Variants in LTBP1 observed in about 807,000 individuals in gnomAD.
LTBP1 encodes latent-transforming growth factor beta-binding protein 1.
Under a neutral mutation model 207.6 loss-of-function variants are expected in LTBP1, and 129 were observed. The observed-to-expected ratio is 0.62, with a 90% confidence interval of 0.54 to 0.72. The LOEUF is 0.72. Ranked by LOEUF, LTBP1 falls within the 30% of genes least tolerant of loss-of-function variation. The pLI is 0.00. For synonymous variants in LTBP1, 963 were observed against 833.7 expected, an observed-to-expected ratio of 1.16 and a Z score of -2.67; for missense variants, 2,281 against 2,217.2, an observed-to-expected ratio of 1.03 and a Z score of -0.58.
chr2:33,188,553 A>C (rs751185070), intron 6 of LTBP1, 24 bp from the exon 7 acceptor site: 2 of 1,591,578 alleles, frequency 1.3e-6, no homozygotes, highest in Non-Finnish European at 1.7e-6. Flanking sequence ...AGGACTAACA[A>C]GTTTTCCTCC....
intron 2 of LTBP1, among the ~76,000 whole-genome samples, chr2:32,985,784 G>A (rs2148789480): frequency 6.6e-6 from 1 of 152,308 alleles, no homozygotes; most frequent in East Asian, 1.9e-4. Context: ...ATGGGGCCCT[G>A]TGTAACCCTC....
chr2:33,046,497 G>A (rs560206495), intron 3 of LTBP1, among the ~76,000 whole-genome samples: 78 of 152,276 alleles, frequency 5.1e-4, no homozygotes, highest in Middle Eastern at 3.4e-3. Flanking sequence ...TTTTTGATGT[G>A]CTGCTGGATT....
chr2:33,236,269 G>A (rs149006287), intron 9 of LTBP1, among the ~76,000 whole-genome samples: 26 of 152,276 alleles, frequency 1.7e-4, no homozygotes, highest in African/African-American at 5.8e-4. Flanking sequence ...AAACTGTCAT[G>A]TACTTAGTTT....
In LTBP1 at chr2:33,396,214, T is replaced by G. The variant is rs180730385; in HGVS notation, c.4835-919T>G. On this transcript the variant is annotated intron_variant, in intron 32 of 33. Coordinates refer to ENST00000404816, the MANE Select transcript of LTBP1 (RefSeq NM_206943.4). ...TGTGTGTGTGTTTTGTTTTGTTTTG[T>G]TTTTTGGTTTTTTGTCTTTTGTTTT... Among the ~76,000 whole-genome samples the G allele has an allele frequency of 4.1e-3, 625 of 151,940 alleles. 2 individuals are homozygous for G. The highest frequency in any genetic ancestry group is 6.8e-3 in the Non-Finnish European group (465 of 67,946).
chr2:33,191,798 A>G (rs563404699), intron 7 of LTBP1, among the ~76,000 whole-genome samples: 2 of 152,226 alleles, frequency 1.3e-5, no homozygotes, highest in African/African-American at 4.8e-5. Flanking sequence ...GCAAGTGTCA[A>G]ACATTGAGAC....
chr2:33,334,539 C>G (rs963477777), intron 24 of LTBP1, among the ~76,000 whole-genome samples: 4 of 152,176 alleles, frequency 2.6e-5, no homozygotes, highest in Admixed American at 6.5e-5. Flanking sequence ...GAGATACAAC[C>G]AAAAGATAAA....
chr2:33,095,655 C>T (rs1485717447), intron 3 of LTBP1, among the ~76,000 whole-genome samples: 1 of 151,958 alleles, frequency 6.6e-6, no homozygotes, highest in African/African-American at 2.4e-5. Flanking sequence ...GGAATTAGTG[C>T]ACAAGACTTA....
intron 2 of LTBP1, among the ~76,000 whole-genome samples, chr2:32,970,791 A>G (rs184885256): frequency 9.9e-5 from 15 of 151,700 alleles, no homozygotes; most frequent in Middle Eastern, 3.4e-3. Context: ...TTCTAATTCT[A>G]TGAAGAATGT....
At chr2:33,165,008 T>C (rs2084799695) in intron 5 of LTBP1, among the ~76,000 whole-genome samples, 1 of 152,208 alleles carries the variant, frequency 6.6e-6, no homozygotes, top group Admixed American at 6.5e-5. Context: ...TGAAGAGGAA[T>C]TCTTTCAGAA....
At chr2:33,053,777 C>A (rs2076858495) in intron 3 of LTBP1, among the ~76,000 whole-genome samples, 1 of 152,204 alleles carries the variant, frequency 6.6e-6, no homozygotes, top group Non-Finnish European at 1.5e-5. Flanking sequence ...AAAGCAGGGC[C>A]TTCGACCTAG....
intron 3 of LTBP1, among the ~76,000 whole-genome samples, chr2:33,081,260 G>A (rs1208813534): frequency 3.3e-5 from 5 of 152,056 alleles, no homozygotes; most frequent in African/African-American, 9.7e-5. Context: ...GAAGGGCCAG[G>A]GAAGGTGAGA....
chr2:33,176,070 G>C (rs971693973), intron 5 of LTBP1, among the ~76,000 whole-genome samples: 1 of 151,264 alleles, frequency 6.6e-6, no homozygotes, highest in Non-Finnish European at 1.5e-5. Flanking sequence ...ACGAGTTAAT[G>C]GGTGCAGCAC....
At chr2:33,283,788 C>T (rs1003024177) in intron 19 of LTBP1, among the ~76,000 whole-genome samples, 3 of 152,128 alleles carry the variant, frequency 2.0e-5, no homozygotes, top group Non-Finnish European at 4.4e-5. Flanking sequence ...CTACATTTGT[C>T]ATTTGTTAGT....
In LTBP1 at chr2:33,055,277, T is replaced by G. The variant is rs370686095; in HGVS notation, c.863+34071T>G. 4.3e-4 allele frequency among the ~76,000 whole-genome samples: 65 copies of G among 152,276 alleles called. No homozygotes were observed. In the South Asian group the frequency reaches 0.013, roughly 31 times the overall value. ...CTTTTAGAATCAATTGACCCTCGAG[T>G]GATTCGGGTGACAGGGGAGTATGTT... On this transcript the variant is annotated intron_variant, in intron 3 of 33. Coordinates refer to ENST00000404816, the MANE Select transcript of LTBP1 (RefSeq NM_206943.4).
At chr2:33,111,430 G>C (rs570701532) in intron 4 of LTBP1, among the ~76,000 whole-genome samples, 5 of 152,190 alleles carry the variant, frequency 3.3e-5, no homozygotes, top group Non-Finnish European at 7.3e-5. Context: ...CTAGACACAC[G>C]CTCTCGTTCC....
intron 7 of LTBP1, among the ~76,000 whole-genome samples, chr2:33,189,747 C>T (rs962615767): frequency 2.0e-5 from 3 of 152,144 alleles, no homozygotes; most frequent in Middle Eastern, 3.4e-3. Context: ...AAATTCAGGC[C>T]GGGTGCTGTG....
intron 22 of LTBP1, among the ~76,000 whole-genome samples, chr2:33,302,347 A>G (rs1210303781): frequency 1.3e-5 from 2 of 152,184 alleles, no homozygotes; most frequent in Non-Finnish European, 2.9e-5. Context: ...AACCAGAAAT[A>G]TGCATGTTGG....
At chr2:32,951,693 G>A (rs1484735595) in intron 2 of LTBP1, among the ~76,000 whole-genome samples, 1 of 152,204 alleles carries the variant, frequency 6.6e-6, no homozygotes, top group African/African-American at 2.4e-5. Flanking sequence ...TTTATAGGAT[G>A]GTTGCAGGTA....
intron 3 of LTBP1, among the ~76,000 whole-genome samples, chr2:33,070,289 C>A (rs1008804756): frequency 6.6e-6 from 1 of 152,192 alleles, no homozygotes; most frequent in Non-Finnish European, 1.5e-5. Context: ...TGTTGCTTTG[C>A]CAAGGATAGT....
Sources: gnomAD v4.1 joint callset for allele counts (sites outside exome capture counted in the v4.1 genomes callset) on GRCh38, gnomAD v4.1.1 for gene constraint, MANE v1.5 for transcripts, NCBI Gene and HGNC (gene_info 2026-07-23, HGNC 2026-07-21) for gene names.